The following ZC3H12B variants were observed in gnomAD, a reference collection of about 807,000 sequenced individuals.
The protein encoded by ZC3H12B is zinc finger CCCH-type containing 12B, also known as probable ribonuclease ZC3H12B.
ZC3H12B carries 7 observed loss-of-function variants against 43.9 expected under a neutral mutation model. The observed-to-expected ratio is 0.16, with a 90% CI of 0.09 to 0.30. ZC3H12B has a LOEUF of 0.30. Ranked by LOEUF, ZC3H12B falls within the 10% of genes least tolerant of loss-of-function variation. The probability of loss-of-function intolerance (pLI) is 1.00; values close to 1 mark genes in which losing one functional copy is unlikely to be tolerated. For missense variants in ZC3H12B, 475 were observed against 670.2 expected (o/e 0.71, Z 3.22); for synonymous variants, 222 against 241.7 (o/e 0.92, Z 0.76).
the ZC3H12B span, among the ~76,000 whole-genome samples, chrX:65,275,430 T>A: frequency 8.8e-6 from 1 of 113,006 alleles, no homozygotes; most frequent in African/African-American, 3.2e-5. Flanking sequence ...AATAGCACCA[T>A]GTCCCAAGTG....
chrX:65,079,770 A>G, the ZC3H12B span, among the ~76,000 whole-genome samples: 5 of 111,517 alleles, frequency 4.5e-5, no homozygotes, highest in African/African-American at 1.3e-4. Context: ...ACAAGCTCAG[A>G]CAGTGAAGAC....
the ZC3H12B span, among the ~76,000 whole-genome samples, chrX:65,152,066 T>C: frequency 3.6e-5 from 4 of 111,894 alleles, no homozygotes; most frequent in African/African-American, 9.7e-5. Flanking sequence ...AAATTAGGTA[T>C]TGATGGGATG....
At chrX:65,254,275 A>T in the ZC3H12B span, among the ~76,000 whole-genome samples, 1 of 112,643 alleles carries the variant, frequency 8.9e-6, no homozygotes, top group African/African-American at 3.2e-5. Flanking sequence ...GCCCCAGGTG[A>T]CAAGGAGCAT....
chrX:65,146,072 A>G, the ZC3H12B span, among the ~76,000 whole-genome samples: 1 of 111,232 alleles, frequency 9.0e-6, no homozygotes, highest in Non-Finnish European at 1.9e-5. Flanking sequence ...TCCCCCAAAT[A>G]TGTTTTCCAA....
chrX:65,154,699 A>G, the ZC3H12B span, among the ~76,000 whole-genome samples: 2 of 111,206 alleles, frequency 1.8e-5, no homozygotes, highest in African/African-American at 6.6e-5. Context: ...AAATAAAAGA[A>G]TTAGCTGGGT....
At chrX:65,383,247 A>T (rs1285684872) in intron 2 of ZC3H12B, among the ~76,000 whole-genome samples, 1 of 112,134 alleles carries the variant, frequency 8.9e-6, no homozygotes, top group Non-Finnish European at 1.9e-5. Context: ...ACTGGTACCA[A>T]AACAGAGATA....
chrX:65,144,936 A>G, the ZC3H12B span, among the ~76,000 whole-genome samples: 1 of 111,797 alleles, frequency 8.9e-6, no homozygotes, highest in Non-Finnish European at 1.9e-5. Flanking sequence ...AATAGAATGT[A>G]TATTCTGCAG....
At chrX:65,126,223 G>T in the ZC3H12B span, among the ~76,000 whole-genome samples, 2 of 110,477 alleles carry the variant, frequency 1.8e-5, no homozygotes, top group Non-Finnish European at 3.8e-5. Context: ...TGGAAAATAC[G>T]GTATCTTTCC....
the ZC3H12B span, among the ~76,000 whole-genome samples, chrX:65,156,184 C>T: frequency 9.0e-6 from 1 of 110,653 alleles, no homozygotes; most frequent in African/African-American, 3.3e-5. Flanking sequence ...TGCTTTCTCT[C>T]TCCTGCTCTT....
chrX:65,205,003 T>A, the ZC3H12B span, among the ~76,000 whole-genome samples: 1 of 111,911 alleles, frequency 8.9e-6, no homozygotes, highest in African/African-American at 3.2e-5. Flanking sequence ...TCTTCCAGCC[T>A]TGGAACTGTA....
chrX:65,233,945 T>C, the ZC3H12B span, among the ~76,000 whole-genome samples: 1 of 111,407 alleles, frequency 9.0e-6, no homozygotes, highest in Non-Finnish European at 1.9e-5. Flanking sequence ...ATCAACCCAA[T>C]TATTTAAAGA....
chrX:65,260,188 T>C, the ZC3H12B span, among the ~76,000 whole-genome samples: 4 of 110,227 alleles, frequency 3.6e-5, no homozygotes, highest in Non-Finnish European at 7.6e-5. Context: ...ATTAATATAA[T>C]AAAACACCAC....
chrX:65,279,057 A>C, the ZC3H12B span, among the ~76,000 whole-genome samples: 1 of 110,839 alleles, frequency 9.0e-6, no homozygotes, highest in Non-Finnish European at 1.9e-5. Context: ...ATGGGCATTT[A>C]GATTGATTCC....
At chrX:65,098,291 T>C in the ZC3H12B span, among the ~76,000 whole-genome samples, 18 of 109,935 alleles carry the variant, frequency 1.6e-4, no homozygotes, top group Non-Finnish European at 3.4e-4. Context: ...AATAATGTTA[T>C]TGTGTCAAAT....
chrX:65,226,993 G>C, the ZC3H12B span, among the ~76,000 whole-genome samples: 1 of 110,719 alleles, frequency 9.0e-6, no homozygotes, highest in Admixed American at 9.6e-5. Context: ...AGTTAGCAAG[G>C]ATACCCAGGA....
At chrX:65,161,961 G>A in the ZC3H12B span, among the ~76,000 whole-genome samples, 15 of 111,603 alleles carry the variant, frequency 1.3e-4, no homozygotes, top group African/African-American at 2.3e-4. Context: ...GGGCAGGCCT[G>A]GTGGTGACAA....
the ZC3H12B span, among the ~76,000 whole-genome samples, chrX:65,226,487 A>C: frequency 6.3e-5 from 7 of 111,704 alleles, no homozygotes; most frequent in African/African-American, 2.0e-4. Context: ...TGAGCAAAAT[A>C]ACCAGCTAAC....
chrX:65,076,720 AT>A, the ZC3H12B span, among the ~76,000 whole-genome samples: 1 of 107,443 alleles, frequency 9.3e-6, no homozygotes, highest in East Asian at 3.0e-4. Flanking sequence ...TGGCTGTTGT[AT>A]TTTTTTAATT....
chrX:65,331,485 G>T, the ZC3H12B span, among the ~76,000 whole-genome samples: 1 of 110,804 alleles, frequency 9.0e-6, no homozygotes, highest in Non-Finnish European at 1.9e-5. Flanking sequence ...GAGGCTAGAG[G>T]TAGACAGAAT....
Sources: gnomAD v4.1 joint callset for allele counts (sites outside exome capture counted in the v4.1 genomes callset) on GRCh38, gnomAD v4.1.1 for gene constraint, MANE v1.5 for transcripts, NCBI Gene and HGNC (gene_info 2026-07-23, HGNC 2026-07-21) for gene names.